ADAMTS6: variants seen among roughly 807,000 people sequenced by gnomAD.
The protein encoded by ADAMTS6 is A disintegrin and metalloproteinase with thrombospondin motifs 6.
Under a neutral mutation model 144.3 loss-of-function variants are expected in ADAMTS6, and 23 were observed. The observed-to-expected ratio is 0.16, with a 90% CI of 0.11 to 0.23. ADAMTS6 has a LOEUF of 0.23. Ranked by LOEUF, ADAMTS6 falls within the 10% of genes least tolerant of loss-of-function variation. The pLI, the probability that ADAMTS6 is intolerant of heterozygous loss-of-function variation, is 1.00. For synonymous variants in ADAMTS6, 444 were observed against 457.5 expected (o/e 0.97, Z 0.38); for missense variants, 999 against 1,379.6 (o/e 0.72, Z 4.37).
intron 7 of ADAMTS6, among the ~76,000 whole-genome samples, chr5:65,423,379 GA>G (rs1756236990): frequency 6.6e-6 from 1 of 152,094 alleles, no homozygotes; most frequent in South Asian, 2.1e-4. Context: ...TAAATTGAGT[GA>G]CTTACTGGAC....
intron 7 of ADAMTS6, among the ~76,000 whole-genome samples, chr5:65,362,806 G>A (rs1049450983): frequency 6.6e-6 from 1 of 152,112 alleles, no homozygotes; most frequent in Non-Finnish European, 1.5e-5. Flanking sequence ...CTCCAGTAGA[G>A]GAATCATTCA....
intron 14 of ADAMTS6, among the ~76,000 whole-genome samples, chr5:65,257,218 A>G (rs1461226430): frequency 2.0e-5 from 3 of 151,752 alleles, no homozygotes; most frequent in African/African-American, 4.8e-5. Context: ...TTTAATATCC[A>G]TATGTTAAAG....
intron 12 of ADAMTS6, among the ~76,000 whole-genome samples, chr5:65,266,207 AG>A (rs987449129): frequency 2.6e-5 from 4 of 151,964 alleles, no homozygotes; most frequent in African/African-American, 9.7e-5. Flanking sequence ...CAGTGAGAAA[AG>A]TCACATGAAC....
At chr5:65,439,506 A>T (rs1348624070) in intron 7 of ADAMTS6, among the ~76,000 whole-genome samples, 1 of 152,162 alleles carries the variant, frequency 6.6e-6, no homozygotes, top group Non-Finnish European at 1.5e-5. Context: ...GAAAACCCAA[A>T]TGAAGATATG....
intron 9 of ADAMTS6, among the ~76,000 whole-genome samples, chr5:65,324,281 T>C (rs765576761): frequency 2.4e-4 from 36 of 152,254 alleles, no homozygotes; most frequent in Non-Finnish European, 4.0e-4. Context: ...CCTCCTACTA[T>C]ACATAAAAAT....
At chr5:65,380,134 A>G (rs1419184629) in intron 7 of ADAMTS6, among the ~76,000 whole-genome samples, 1 of 152,000 alleles carries the variant, frequency 6.6e-6, no homozygotes, top group Non-Finnish European at 1.5e-5. Context: ...TTTTTTCTCC[A>G]GACAGCCATT....
intron 7 of ADAMTS6, among the ~76,000 whole-genome samples, chr5:65,347,303 T>C (rs1398154961): frequency 1.3e-5 from 2 of 151,612 alleles, no homozygotes; most frequent in Non-Finnish European, 3.0e-5. Context: ...GAAAAACAGA[T>C]ACATAGCCCA....
intron 14 of ADAMTS6, 77 bp downstream of exon 14, chr5:65,260,523 G>T: frequency 8.5e-7 from 1 of 1,176,416 alleles, no homozygotes; most frequent in Non-Finnish European, 1.2e-6. Flanking sequence ...TTATCAAATA[G>T]TTTAAAATTA....
intron 2 of ADAMTS6, 46 bp from the exon 3 acceptor site, chr5:65,471,188 G>T: frequency 1.3e-6 from 2 of 1,537,282 alleles, no homozygotes; most frequent in Non-Finnish European, 1.7e-6. Flanking sequence ...ACACATGGAA[G>T]AAAAGAAAAT....
At chr5:65,262,310 T>C (rs926423384) in intron 13 of ADAMTS6, among the ~76,000 whole-genome samples, 44 of 152,322 alleles carry the variant, frequency 2.9e-4, no homozygotes, top group Admixed American at 2.3e-3. Flanking sequence ...TGGGGGCATA[T>C]GAATGGAAAC....
At chr5:65,158,750 T>G (rs1752576103) in intron 24 of ADAMTS6, among the ~76,000 whole-genome samples, 1 of 152,196 alleles carries the variant, frequency 6.6e-6, no homozygotes, top group Non-Finnish European at 1.5e-5. Context: ...GTTTTAACCC[T>G]TTGCCAAAGG....
chr5:65,383,110 C>A (rs994370991), intron 7 of ADAMTS6, among the ~76,000 whole-genome samples: 1 of 152,120 alleles, frequency 6.6e-6, no homozygotes, highest in African/African-American at 2.4e-5. Context: ...AATATCATCA[C>A]CTTGAGGGTT....
intron 7 of ADAMTS6, among the ~76,000 whole-genome samples, chr5:65,336,627 T>C (rs1229225340): frequency 1.3e-5 from 2 of 152,088 alleles, no homozygotes; most frequent in Admixed American, 1.3e-4. Context: ...TTGAGGGCAC[T>C]CTTCATGCAA....
chr5:65,422,467 C>T (rs544546972), intron 7 of ADAMTS6, among the ~76,000 whole-genome samples: 1 of 151,930 alleles, frequency 6.6e-6, no homozygotes, highest in African/African-American at 2.4e-5. Flanking sequence ...ACTAAAAATA[C>T]AAAAATTAGT....
intron 22 of ADAMTS6, among the ~76,000 whole-genome samples, chr5:65,182,174 G>A (rs984693456): frequency 2.0e-5 from 3 of 151,952 alleles, no homozygotes; most frequent in African/African-American, 4.8e-5. Flanking sequence ...GCCTGGGTGC[G>A]GTGGCTCACG....
chr5:65,477,535 C>G (rs1413250307), intron 1 of ADAMTS6, among the ~76,000 whole-genome samples: 1 of 152,068 alleles, frequency 6.6e-6, no homozygotes, highest in East Asian at 1.9e-4. Context: ...TGTAAATGCT[C>G]AAGTTAACTA....
chr5:65,332,601 A>T (rs1746871688), intron 8 of ADAMTS6, among the ~76,000 whole-genome samples: 1 of 151,894 alleles, frequency 6.6e-6, no homozygotes, highest in Non-Finnish European at 1.5e-5. Flanking sequence ...ATACATCTAC[A>T]TTTTTTTCCT....
At chr5:65,329,561 G>T in intron 8 of ADAMTS6, 78 bp from the exon 9 acceptor site, 2 of 1,273,240 alleles carry the variant, frequency 1.6e-6, no homozygotes, top group Admixed American at 5.4e-5. Context: ...TAAATGCCTG[G>T]ATTCTTTTTA....
chr5:65,424,164 T>C (rs988637299), intron 7 of ADAMTS6, among the ~76,000 whole-genome samples: 2 of 152,176 alleles, frequency 1.3e-5, no homozygotes, highest in Non-Finnish European at 2.9e-5. Context: ...ATTTTAACCC[T>C]TCCTCACCAC....
Sources: allele counts gnomAD v4.1 joint callset (sites outside exome capture counted in the v4.1 genomes callset), GRCh38; gene constraint gnomAD v4.1.1; transcripts MANE v1.5; gene names NCBI Gene and HGNC (gene_info 2026-07-23, HGNC 2026-07-21).